Variants in UTP18 observed in about 807,000 individuals in gnomAD.
The protein encoded by UTP18 is UTP18 small subunit processome component.
A neutral mutation model predicts 61.1 loss-of-function variants in UTP18; 36 were observed. The ratio of observed to expected loss-of-function variants is 0.59; its 90% confidence interval spans 0.45 to 0.78. The LOEUF (loss-of-function observed/expected upper bound fraction) is 0.78, where lower values mean the gene tolerates loss of function less well. Ranked by LOEUF, UTP18 falls within the 30% of genes least tolerant of loss-of-function variation. UTP18 has a pLI of 0.00. For missense variants in UTP18, 753 were observed against 693.9 expected (o/e 1.09, Z -0.96); for synonymous variants, 282 against 251.1 (o/e 1.12, Z -1.16).
Position 51,285,351 on chromosome 17 carries a change from A to G in UTP18, c.1311A>G (p.Gly437=). 1 of 1,613,782 alleles carries G rather than the reference A, an allele frequency of 6.2e-7. No homozygotes were observed. The highest frequency in any genetic ancestry group is 2.2e-5 in the East Asian group (1 of 44,828). The change falls in exon 10 of 14, where the codon GGA becomes GGG. Residue 437 remains glycine (G), a synonymous_variant. Coordinates refer to ENST00000225298, the MANE Select transcript of UTP18 (RefSeq NM_016001.3). ...YGLSIATSRN[G]QYVACGSNCG... ...TAAGCATTGCCACATCTAGGAATGG[A>G]CAGTATGTTGCTTGTGGGTAAGTAA...
Position 51,260,743 on chromosome 17 carries a change from G to C in UTP18, c.159G>C (p.Arg53=). The C allele has an allele frequency of 6.3e-7, 1 of 1,584,984 alleles. No homozygotes were observed. The highest frequency in any genetic ancestry group is 1.3e-5 in the African/African-American group (1 of 74,466). Residue 53 remains arginine (R), a synonymous_variant, in exon 1 of 14, where the codon CGG becomes CGC. Transcript: ENST00000225298. ...APSSQRKPPA[R]PSAAAAAIAV... is the part of the protein sequence containing the mutation. ...CATCCCAGCGGAAACCGCCGGCCCG[G>C]CCGAGCGCGGCGGCCGCTGCGATTG...
chr17:51,269,294 C>CAAAAAA (rs58681434), intron 4 of UTP18, among the ~76,000 whole-genome samples: 24 of 66,664 alleles, frequency 3.6e-4, no homozygotes, highest in African/African-American at 5.8e-4. Flanking sequence ...GACTCTGTCT[C>CAAAAAA]AAAAAAAAAA....
At chr17:51,289,434 C>T (rs551461273) in intron 11 of UTP18, among the ~76,000 whole-genome samples, 9 of 151,308 alleles carry the variant, frequency 5.9e-5, no homozygotes, top group African/African-American at 1.9e-4. Context: ...GTCTCGAACT[C>T]CCGACCTCAT....
In UTP18 at chr17:51,294,028, C is replaced by T; in HGVS notation, c.1629C>T (p.Gly543=). 1 of 1,607,406 alleles carries T rather than the reference C, an allele frequency of 6.2e-7. No homozygotes were observed. Among genetic ancestry groups the T allele is most frequent in the Middle Eastern group, 1.7e-4 (1 of 5,874 alleles). The change falls in exon 12 of 14, where the codon GGC becomes GGT. Residue 543 remains glycine (G), a synonymous_variant. Transcript: ENST00000225298. ...SGYFALGNEK[G]KALMYRLHHY... ...ACTTTGCCTTGGGGAATGAAAAGGG[C>T]AAGGCCCTGATGTATAGGTAGGTAT...
chr17:51,269,024 C>A, intron 4 of UTP18, 120 bp downstream of exon 4: 1 of 957,036 alleles, frequency 1.0e-6, no homozygotes, highest in Non-Finnish European at 1.6e-6. Context: ...CGGTAGCTCA[C>A]GCCTGTCATC....
chr17:51,269,169 C>T (rs1403724051), intron 4 of UTP18, among the ~76,000 whole-genome samples: 1 of 151,614 alleles, frequency 6.6e-6, no homozygotes, highest in Non-Finnish European at 1.5e-5. Flanking sequence ...TTCCTGTAGT[C>T]CCGACTACTT....
intron 4 of UTP18, among the ~76,000 whole-genome samples, chr17:51,272,119 GAC>G (rs1204221022): frequency 1.3e-5 from 2 of 151,192 alleles, no homozygotes; most frequent in Non-Finnish European, 2.9e-5. Context: ...GTTTTTTTGA[GAC>G]AGAGTCTTAT....
At chr17:51,272,026 T>G (rs1002691682) in intron 4 of UTP18, among the ~76,000 whole-genome samples, 1 of 152,132 alleles carries the variant, frequency 6.6e-6, no homozygotes, top group Non-Finnish European at 1.5e-5. Context: ...TTTTCAAATA[T>G]TCTACATTTC....
chr17:51,288,434 T>C (rs907131439), intron 11 of UTP18: 2 of 523,700 alleles, frequency 3.8e-6, no homozygotes, highest in Admixed American at 5.3e-5. Flanking sequence ...ATTCTCACCA[T>C]TCCTAAAGTG....
rs372736058 is a variant in UTP18, at chr17:51,280,849, C to T, written c.1204+370C>T. Among the ~76,000 whole-genome samples, 136 of 150,672 alleles carry T rather than the reference C, an allele frequency of 9.0e-4. 1 individual carries two copies. Among genetic ancestry groups the T allele is most frequent in the Middle Eastern group, 3.5e-3 (1 of 286 alleles). On this transcript the variant is annotated intron_variant, in intron 9 of 13. Coordinates refer to ENST00000225298, the MANE Select transcript of UTP18 (RefSeq NM_016001.3). ...TTTTTTTTTAGCCATCTATCCTGGG[C>T]GACAGAGCAAGACTCTGTCTCAAAA...
chr17:51,260,993 C>T, intron 1 of UTP18, 67 bp downstream of exon 1: 9 of 1,339,332 alleles, frequency 6.7e-6, no homozygotes, highest in South Asian at 3.8e-5. Flanking sequence ...GGTGAAGCTC[C>T]GGGGGGCGGA....
chr17:51,268,116 TC>T (rs1180636872), intron 3 of UTP18, among the ~76,000 whole-genome samples: 3 of 150,982 alleles, frequency 2.0e-5, no homozygotes, highest in Non-Finnish European at 1.5e-5. Context: ...TTCACACCAT[TC>T]TCCTGCCTTA....
At chr17:51,286,053 C>T (rs1353467175) in intron 10 of UTP18, among the ~76,000 whole-genome samples, 3 of 152,196 alleles carry the variant, frequency 2.0e-5, no homozygotes, top group African/African-American at 7.2e-5. Context: ...CTTAAAGATA[C>T]CTAAAGCATT....
rs1336127991 is a variant in UTP18, at chr17:51,282,873, T to TC, written c.1205-2372_1205-2371insC. ...TTTTCTTCTTCTTCTTCTTCTTTTT[T>TC]TTTTTTTTTTTTTGAGACAGAGTCT... On this transcript the variant is annotated intron_variant, in intron 9 of 13. Coordinates refer to ENST00000225298, the MANE Select transcript of UTP18 (RefSeq NM_016001.3). Among the ~76,000 whole-genome samples, 4 of 108,662 alleles carry TC rather than the reference T, an allele frequency of 3.7e-5. No individual in the cohort carries two copies. The East Asian group carries it at 7.9e-4, about 22-fold the overall frequency. 71.3% of individuals were successfully genotyped at this position (108,662 alleles called of 152,430 possible). A position where few individuals can be genotyped will look rare whatever the true frequency, so the allele number is the denominator to read the frequency against.
chr17:51,265,303 G>C (rs994961282), intron 2 of UTP18, among the ~76,000 whole-genome samples: 11 of 135,718 alleles, frequency 8.1e-5, no homozygotes, highest in African/African-American at 2.5e-4. Flanking sequence ...TGCTCTTCTT[G>C]CCTGGGCTAG....
At chr17:51,266,421 G>A in intron 3 of UTP18, 141 bp downstream of exon 3, 1 of 519,364 alleles carries the variant, frequency 1.9e-6, no homozygotes, top group Non-Finnish European at 3.1e-6. Context: ...AATTTCTGTA[G>A]TTTTTTTTAG....
At chr17:51,263,742 T>G (rs1182332684) in intron 2 of UTP18, among the ~76,000 whole-genome samples, 1 of 152,196 alleles carries the variant, frequency 6.6e-6, no homozygotes, top group Non-Finnish European at 1.5e-5. Flanking sequence ...AGTAACTACA[T>G]CAGAATTTTG....
intron 11 of UTP18, 61 bp downstream of exon 11, chr17:51,288,264 A>G: frequency 2.1e-6 from 3 of 1,437,582 alleles, no homozygotes; most frequent in African/African-American, 1.4e-5. Flanking sequence ...AAAACATGCA[A>G]GAGTAACAGG....
chr17:51,263,800 G>A lies in UTP18; in HGVS notation c.455+414G>A, dbSNP rs1453206412. On this transcript the variant is annotated intron_variant, in intron 2 of 13. Transcript: ENST00000225298. Reference sequence around the variant, plus strand: ...TTGTAGAACTTTTAGCACAGTGCCTGAAACTGAGTAAAGGCTAAAAAGAAG... The same window carrying A: ...TTGTAGAACTTTTAGCACAGTGCCTAAAACTGAGTAAAGGCTAAAAAGAAG... Among the ~76,000 whole-genome samples the A allele has an allele frequency of 2.6e-5, 4 of 152,192 alleles. No individual in the cohort carries two copies. The East Asian group carries it at 5.8e-4, about 22-fold the overall frequency.
Sources: allele counts gnomAD v4.1 joint callset (sites outside exome capture counted in the v4.1 genomes callset), GRCh38; gene constraint gnomAD v4.1.1; transcripts MANE v1.5; gene names NCBI Gene and HGNC (gene_info 2026-07-23, HGNC 2026-07-21).